The following TTN variants were observed in gnomAD, a reference collection of about 807,000 sequenced individuals.
TTN encodes connectin.
In TTN, 1,525 loss-of-function variants were observed where a neutral mutation model predicts 3,223.0. The observed-to-expected ratio is 0.47, with a 90% CI of 0.45 to 0.49. The LOEUF (loss-of-function observed/expected upper bound fraction) is 0.49. Ranked by LOEUF, TTN falls within the 20% of genes least tolerant of loss-of-function variation. TTN has a pLI of 0.00. For missense variants in TTN, 40,786 were observed against 43,424.0 expected (o/e 0.94, Z 5.40); for synonymous variants, 14,094 against 15,161.0 (o/e 0.93, Z 5.17).
rs2091855941 is a variant in TTN at position 178,773,700 on chromosome 2, T to C, written c.7356A>G (p.Lys2452=). 1 of 1,614,052 alleles carries C rather than the reference T, an allele frequency of 6.2e-7. No homozygotes were observed. Among genetic ancestry groups the C allele is most frequent in the Non-Finnish European group, 8.5e-7 (1 of 1,179,972 alleles). ...TGGTGCCTTCAATCACATTAACATCTTTTAGAGGTGTTATCACGTCCACAC... is the reference window on the plus strand; with the variant it reads ...TGGTGCCTTCAATCACATTAACATCCTTTAGAGGTGTTATCACGTCCACAC... ...VYSVDVITPL[K]DVNVIEGTKA... Residue 2452 remains lysine (K), a synonymous_variant, in exon 32 of 363, where the codon AAA becomes AAG. Transcript: ENST00000589042.
rs758970991 is a variant in TTN, at chr2:178,553,228, G to A, written c.89672C>T (p.Thr29891Ile). The change falls in exon 335 of 363, where the codon ACT (threonine) becomes ATT (isoleucine). Residue 29891 changes from threonine to isoleucine, a missense_variant. Coordinates refer to ENST00000589042, the MANE Select transcript of TTN (RefSeq NM_001267550.2). ...GSDARYSIEN[T>I]DSSSLLTIPQ... ...AATGGTGAGTAATGAGGATGAATCAGTGTTTTCAATGCTGTATCTGGCATC... is the reference window on the plus strand; with the variant it reads ...AATGGTGAGTAATGAGGATGAATCAATGTTTTCAATGCTGTATCTGGCATC... 1.2e-6 allele frequency: 2 copies of A among 1,613,638 alleles called. No homozygotes were observed. The highest frequency in any genetic ancestry group is 1.7e-5 in the Admixed American group (1 of 60,022).
chr2:178,784,115 G>A lies in TTN; in HGVS notation c.2730C>T (p.Thr910=), dbSNP rs375432172. 15 of 1,613,858 alleles carry A rather than the reference G, an allele frequency of 9.3e-6. No individual in the cohort carries two copies. The highest frequency in any genetic ancestry group is 1.7e-4 in the Middle Eastern group (1 of 6,012). The change falls in exon 16 of 363, where the codon ACC becomes ACT. Residue 910 remains threonine, a synonymous_variant. Transcript: ENST00000589042. ...GTACTTCAAAGCGCTCTTCACGGAC[G>A]GTGGTGCCAGTGATGCTCACCCCTA... The part of the protein sequence containing the change: ...KEVGVSITGT[T]VREERFEVLH...
At chr2:178,671,846 G>T in intron 155 of TTN, 125 bp downstream of exon 155, 2 of 1,008,878 alleles carry the variant, frequency 2.0e-6, no homozygotes, top group South Asian at 1.6e-5. Context: ...GTGTCAACTA[G>T]TTTAAACTCA....
At chr2:178,669,812 C>A (rs1449946401) in intron 157 of TTN, 137 bp from the exon 158 acceptor site, 3 of 804,524 alleles carry the variant, frequency 3.7e-6, no homozygotes, top group Admixed American at 2.2e-5. Context: ...CAAATGTAGT[C>A]ATTGCATTTC....
At position 178,694,686 on chromosome 2, in the gene TTN, T is replaced by C. The variant is rs1171105677; in HGVS notation, c.31349-10A>G. ...TTTGAAACTTCAGGTACTTTAAAAATATGTACAAATATATTTGTATTTTGA... is the reference window on the plus strand; with the variant it reads ...TTTGAAACTTCAGGTACTTTAAAAACATGTACAAATATATTTGTATTTTGA... On this transcript the variant is annotated splice_polypyrimidine_tract_variant and intron_variant, in intron 116 of 362. Transcript: ENST00000589042. 6.5e-7 allele frequency: 1 copy of C among 1,535,798 alleles called. No individual in the cohort carries two copies.
chr2:178,609,772 C>A lies in TTN; in HGVS notation c.51651G>T (p.Glu17217Asp). 2 of 1,612,860 alleles carry A rather than the reference C, an allele frequency of 1.2e-6. No individual in the cohort carries two copies. The highest frequency in any genetic ancestry group is 1.7e-6 in the Non-Finnish European group (2 of 1,179,220). ...TCTCTGCTCGCACACGGAATTGGTA[C>A]TCTTTCCCCTCTTCAAGTCCTTTTG... ...YTAKGLEEGK[E>D]YQFRVRAENA... is the part of the protein sequence containing the mutation. Residue 17217 changes from glutamate (E) to aspartate (D), a missense_variant, in exon 272 of 363, where the codon GAG becomes GAT. Physicochemically the swap from Glu to Asp is conservative, Grantham distance 45. Coordinates refer to ENST00000589042, the MANE Select transcript of TTN (RefSeq NM_001267550.2).
Position 178,530,507 on chromosome 2 carries a change from T to C in TTN, c.106108A>G (p.Thr35370Ala), listed in dbSNP as rs910216145. 6 of 1,613,854 alleles carry C rather than the reference T, an allele frequency of 3.7e-6. No individual in the cohort carries two copies. The highest frequency in any genetic ancestry group is 5.1e-6 in the Non-Finnish European group (6 of 1,179,890). The change falls in exon 358 of 363, where the codon ACC (threonine) becomes GCC (alanine). Residue 35370 changes from threonine (T) to alanine (A), a missense_variant. By Grantham distance (58) the Thr-to-Ala change is moderately conservative. Coordinates refer to ENST00000589042, the MANE Select transcript of TTN (RefSeq NM_001267550.2). ...EISGEGGTSK[T>A]NLQFMGQAFK... is the part of the protein sequence containing the mutation. The stretch of plus-strand genomic sequence containing the variant: ...GCTTGCCCCATAAATTGTAAGTTGG[T>C]TTTAGACGTTCCACCTTCACCAGAA...
intron 246 of TTN, 27 bp downstream of exon 246, chr2:178,621,075 A>C (rs374052858): frequency 3.3e-4 from 529 of 1,607,630 alleles, no homozygotes; most frequent in Non-Finnish European, 4.3e-4. Flanking sequence ...AACAAACAAA[A>C]AACCCTAAAA....
intron 219 of TTN, 21 bp from the exon 220 acceptor site, chr2:178,641,336 A>G: frequency 1.5e-6 from 2 of 1,348,246 alleles, no homozygotes; most frequent in South Asian, 1.4e-5. Context: ...AAAAAGGTTT[A>G]TATGTAAACC....
chr2:178,745,884 CA>C (rs1560961746), intron 47 of TTN: 1 of 1,609,892 alleles, frequency 6.2e-7, no homozygotes, highest in African/African-American at 1.3e-5. Flanking sequence ...ACCTGAAATT[CA>C]AAAAAACTGT....
rs539467264 is a variant in TTN, at chr2:178,694,891, A to G, written c.31286T>C (p.Val10429Ala). 1.3e-6 allele frequency: 2 copies of G among 1,555,014 alleles called. No individual in the cohort carries two copies. Among genetic ancestry groups the G allele is most frequent in the African/African-American group, 2.7e-5 (2 of 73,570 alleles). ...AGAAGTCTTTTCAATTTTTTCAATT[A>G]CTGGCTTCTTTATAACTGCAAGCAT... ...PPPPKVIKKP[V>A]IEKIEKTSRR... is the part of the protein sequence containing the mutation. Residue 10429 changes from valine to alanine, a missense_variant, in exon 116 of 363, where the codon GTA becomes GCA. Coordinates refer to ENST00000589042, the MANE Select transcript of TTN (RefSeq NM_001267550.2).
Position 178,530,371 on chromosome 2 carries a change from G to A in TTN, c.106244C>T (p.Pro35415Leu). The change falls in exon 358 of 363, where the codon CCA (proline) becomes CTA (leucine). Residue 35415 changes from proline to leucine, a missense_variant. By Grantham distance (98) the Pro-to-Leu change is moderately conservative (BLOSUM62 -3). Coordinates refer to ENST00000589042, the MANE Select transcript of TTN (RefSeq NM_001267550.2). ...TRKTEPKAPE[P>L]ISSKPVIVTG... is the part of the protein sequence containing the mutation. ...AACAATTACTGGTTTTGAGGAAATT[G>A]GTTCAGGAGCTTTTGGTTCAGTTTT... 1 of 1,613,936 alleles carries A rather than the reference G, an allele frequency of 6.2e-7. No individual in the cohort carries two copies. The highest frequency in any genetic ancestry group is 8.5e-7 in the Non-Finnish European group (1 of 1,179,866).
intron 306 of TTN, 27 bp downstream of exon 306, chr2:178,587,489 G>A: frequency 6.2e-7 from 1 of 1,603,286 alleles, no homozygotes; most frequent in Non-Finnish European, 8.5e-7. Context: ...TTTTGAAGTG[G>A]GAGGGAGAAG....
rs758356886 is a variant in TTN at position 178,531,574 on chromosome 2, G to T, written c.105041C>A (p.Ala35014Asp). 18 of 1,613,866 alleles carry T rather than the reference G, an allele frequency of 1.1e-5. No homozygotes were observed. The highest frequency in any genetic ancestry group is 2.5e-6 in the Non-Finnish European group (3 of 1,179,896). ...TTCGCCCTTGTAGTTGGTGCACACA[G>T]CACGGTAGGTTCCACTGTCATCAGT... ...CHTDDSGTYR[A>D]VCTNYKGEAS... The change falls in exon 358 of 363, where the codon GCT becomes GAT. Residue 35014 changes from alanine to aspartate, a missense_variant. Physicochemically the swap from Ala to Asp is moderately radical, Grantham distance 126. Transcript: ENST00000589042.
Position 178,730,669 on chromosome 2 carries a change from T to C in TTN, c.17864A>G (p.Asp5955Gly). The stretch of plus-strand genomic sequence containing the variant: ...TTCACTAGCTGATATTTCTTGGTCA[T>C]CTTTGAACCACTGGATGCTTATGGG... ...SHPISIQWFK[D>G]DQEISASEKY... is the part of the protein sequence containing the mutation. Residue 5955 changes from aspartate (D) to glycine (G), a missense_variant, in exon 61 of 363, where the codon GAT (aspartate) becomes GGT (glycine). Coordinates refer to ENST00000589042, the MANE Select transcript of TTN (RefSeq NM_001267550.2). 2 of 1,613,714 alleles carry C rather than the reference T, an allele frequency of 1.2e-6. No homozygotes were observed. The highest frequency in any genetic ancestry group is 1.7e-6 in the Non-Finnish European group (2 of 1,179,722).
Position 178,559,379 on chromosome 2 carries a change from C to G in TTN, c.86753G>C (p.Arg28918Thr). The G allele has an allele frequency of 6.2e-7, 1 of 1,613,600 alleles. No homozygotes were observed. Residue 28918 changes from arginine (R) to threonine (T), a missense_variant, in exon 326 of 363, where the codon AGA becomes ACA. Coordinates refer to ENST00000589042, the MANE Select transcript of TTN (RefSeq NM_001267550.2). ...ACCAAACTCATTTTCTCCAGAGACT[C>G]TGAAGTAATAGATAGCTCCTTCTTG... The part of the protein sequence containing the change: ...NLQEGAIYYF[R>T]VSGENEFGVG...
chr2:178,616,499 T>C lies in TTN; in HGVS notation c.48292A>G (p.Ser16098Gly), dbSNP rs750949782. Residue 16098 changes from serine to glycine, a missense_variant, in exon 257 of 363, where the codon AGC becomes GGC. Ser to Gly is a moderately conservative substitution (Grantham distance 56). Coordinates refer to ENST00000589042, the MANE Select transcript of TTN (RefSeq NM_001267550.2). ...TGYVVEKREV[S>G]RKTWTKVMDF... ...CTCACTTTAGTCCATGTTTTCCGGC[T>C]GACTTCTCGTTTTTCAACAACGTAT... 1.2e-6 allele frequency: 2 copies of C among 1,612,290 alleles called. No homozygotes were observed. The highest frequency in any genetic ancestry group is 1.1e-5 in the South Asian group (1 of 90,992).
At position 178,594,260 on chromosome 2, in the gene TTN, A is replaced by G. The variant is rs543085011; in HGVS notation, c.58151-18T>C. On this transcript the variant is annotated intron_variant, in intron 296 of 362. Coordinates refer to ENST00000589042, the MANE Select transcript of TTN (RefSeq NM_001267550.2). ...TGGGGGTGCTAAAATTTGTAATTAT[A>G]AAGGCAAGTCATTTTTATTGATGTC... is the stretch of plus-strand genomic sequence containing the variant. 3.1e-6 allele frequency: 5 copies of G among 1,599,940 alleles called. No individual in the cohort carries two copies. The South Asian group carries it at 4.6e-5, about 15-fold the overall frequency.
rs377667066 is a variant in TTN at position 178,565,227 on chromosome 2, C to T, written c.80905G>A (p.Val26969Ile). 5.0e-5 allele frequency: 80 copies of T among 1,613,424 alleles called. 1 individual carries two copies. The highest frequency in any genetic ancestry group is 6.6e-5 in the South Asian group (6 of 91,066). ...ACTGGAGGTCCAGGCTTTTCTAAAACGATAACACTGAGATTTTCTGTTGCT... is the reference window on the plus strand; with the variant it reads ...ACTGGAGGTCCAGGCTTTTCTAAAATGATAACACTGAGATTTTCTGTTGCT... ...GTATENLSVIVLEKPGPPVGP... is the reference protein window; with the variant it reads ...GTATENLSVIILEKPGPPVGP... Residue 26969 changes from valine to isoleucine, a missense_variant, in exon 326 of 363, where the codon GTT (valine) becomes ATT (isoleucine). Coordinates refer to ENST00000589042, the MANE Select transcript of TTN (RefSeq NM_001267550.2).
Sources: allele counts gnomAD v4.1 joint callset, GRCh38; gene constraint gnomAD v4.1.1; transcripts MANE v1.5; gene names NCBI Gene and HGNC (gene_info 2026-07-23, HGNC 2026-07-21).